Variants in AP2M1 observed in about 807,000 individuals in gnomAD.
The protein encoded by AP2M1 is adaptor related protein complex 2 subunit mu 1.
Under a neutral mutation model 54.5 loss-of-function variants are expected in AP2M1, and 5 were observed. The ratio of observed to expected loss-of-function variants is 0.09; its 90% confidence interval spans 0.05 to 0.19. The LOEUF is 0.19. AP2M1 is among the 10% of genes least tolerant of loss of function. AP2M1 has a pLI of 1.00. For synonymous variants in AP2M1, 186 were observed against 208.2 expected (o/e 0.89, Z 0.92); for missense variants, 178 against 580.2 (o/e 0.31, Z 7.12).
chr3:184,177,676 G>C (rs1715120013), intron 2 of AP2M1: 54 of 1,434,128 alleles, frequency 3.8e-5, no homozygotes, highest in Non-Finnish European at 5.0e-5. Flanking sequence ...AGTAGACCCA[G>C]AGCAGCTCCA....
rs1457055419 is a variant in AP2M1, at chr3:184,181,648, G to A, written c.708-48G>A. 6.2e-7 allele frequency: 1 copy of A among 1,604,646 alleles called. No individual in the cohort carries two copies. The highest frequency in any genetic ancestry group is 2.2e-5 in the East Asian group (1 of 44,702). On this transcript the variant is annotated intron_variant, in intron 7 of 11. Transcript: ENST00000292807. This position sits in a 1 kb window ranked among gnomAD's most constrained non-coding sequence, Gnocchi z 5.7. ...GGTGGAGTGGTCTCCCAGCATGACA[G>A]CTGTCATTCTCCTGTACCAATGAGA...
Position 184,182,985 on chromosome 3 carries a change from C to G in AP2M1, c.1173+117C>G. On this transcript the variant is annotated intron_variant, in intron 11 of 11. Coordinates refer to ENST00000292807, the MANE Select transcript of AP2M1 (RefSeq NM_004068.4). The surrounding 1 kb of genome is among the most constrained non-coding windows in gnomAD (Gnocchi z 5.5). Reference sequence around the variant, plus strand: ...GGAAACTGAGGCCTAGAAAGAAGAACTGGCTTTAATTCATAGATCCATTCT... The same window carrying G: ...GGAAACTGAGGCCTAGAAAGAAGAAGTGGCTTTAATTCATAGATCCATTCT... 1 of 867,354 alleles carries G rather than the reference C, an allele frequency of 1.2e-6. No individual in the cohort carries two copies. The highest frequency in any genetic ancestry group is 1.7e-5 in the African/African-American group (1 of 60,036). 53.7% of individuals were successfully genotyped at this position (867,354 alleles called of 1,614,324 possible).
intron 2 of AP2M1, chr3:184,177,679 C>T: frequency 7.1e-7 from 1 of 1,404,772 alleles, no homozygotes; most frequent in South Asian, 1.2e-5. Context: ...AGACCCAGAG[C>T]AGCTCCATAT....
rs766900695 is a variant in AP2M1, at chr3:184,182,129, C to T, written c.964-22C>T. The T allele has an allele frequency of 1.9e-6, 3 of 1,613,246 alleles. No homozygotes were observed. The highest frequency in any genetic ancestry group is 2.2e-5 in the East Asian group (1 of 44,852). ...TGATGTCACAGCTTGACAGAGCTCC[C>T]TGACAGGTGTGTCACTTCTAGGTGA... On this transcript the variant is annotated intron_variant, in intron 9 of 11. Coordinates refer to ENST00000292807, the MANE Select transcript of AP2M1 (RefSeq NM_004068.4). This position sits in a 1 kb window ranked among gnomAD's most constrained non-coding sequence, Gnocchi z 5.5.
At chr3:184,177,642 G>A (rs1274917541) in intron 2 of AP2M1, 3 of 1,528,758 alleles carry the variant, frequency 2.0e-6, no homozygotes, top group South Asian at 1.2e-5. Flanking sequence ...CTGTGGGAGG[G>A]CAGGGAAGCC....
chr3:184,177,827 T>G lies in AP2M1; in HGVS notation c.74+760T>G, dbSNP rs898902546. On this transcript the variant is annotated intron_variant, in intron 2 of 11. Coordinates refer to ENST00000292807, the MANE Select transcript of AP2M1 (RefSeq NM_004068.4). ...GGCTCCTCTGGTTCCTGCTGCCTGT[T>G]TTTCTTCCTCAGAGAGCTTGAGATA... 3 of 595,392 alleles carry G rather than the reference T, an allele frequency of 5.0e-6. No homozygotes were observed. In the African/African-American group the frequency reaches 5.6e-5, roughly 11 times the overall value. The allele number at this position is 595,392 out of a possible 1,614,324, so 36.9% of individuals were successfully genotyped here. A position where few individuals can be genotyped will look rare whatever the true frequency, so the allele number is the denominator to read the frequency against.
intron 3 of AP2M1, among the ~76,000 whole-genome samples, chr3:184,179,664 T>TTTC (rs1715206278): frequency 6.8e-6 from 1 of 147,044 alleles, no homozygotes; most frequent in African/African-American, 2.5e-5. Flanking sequence ...TTTCTTTTCT[T>TTTC]TTTTTTTTTT....
rs995891157 is a variant in AP2M1, at chr3:184,181,260, G to C, written c.707+34G>C. ...GGCAGGAGAGCTGGTGGGAGAGGGTGTCCCTTGGAGGGCTCAGTGGGGTCT... is the reference window on the plus strand; with the variant it reads ...GGCAGGAGAGCTGGTGGGAGAGGGTCTCCCTTGGAGGGCTCAGTGGGGTCT... On this transcript the variant is annotated intron_variant, in intron 7 of 11. Transcript: ENST00000292807. This position sits in a 1 kb window ranked among gnomAD's most constrained non-coding sequence, Gnocchi z 5.7. The C allele has an allele frequency of 3.1e-6, 5 of 1,612,160 alleles. No individual in the cohort carries two copies. The highest frequency in any genetic ancestry group is 4.2e-6 in the Non-Finnish European group (5 of 1,179,058).
intron 1 of AP2M1, 186 bp downstream of exon 1, chr3:184,175,145 C>G: frequency 2.5e-6 from 1 of 395,078 alleles, no homozygotes; most frequent in East Asian, 3.6e-5. Flanking sequence ...GATTGCAGGG[C>G]TGGCGGGGAG....
Position 184,183,379 on chromosome 3 carries a change from A to G in AP2M1, c.1174-103A>G. On this transcript the variant is annotated intron_variant, in intron 11 of 11. Coordinates refer to ENST00000292807, the MANE Select transcript of AP2M1 (RefSeq NM_004068.4). The surrounding 1 kb of genome is among the most constrained non-coding windows in gnomAD (Gnocchi z 5.7). Reference sequence around the variant, plus strand: ...GCTTCTTTCAGGACCCCAGCCATACAAACACCTGTAGTAGCGATGAAGTAG... The same window carrying G: ...GCTTCTTTCAGGACCCCAGCCATACGAACACCTGTAGTAGCGATGAAGTAG... 1 of 1,533,944 alleles carries G rather than the reference A, an allele frequency of 6.5e-7. No individual in the cohort carries two copies. The highest frequency in any genetic ancestry group is 8.8e-7 in the Non-Finnish European group (1 of 1,136,678).
Position 184,180,344 on chromosome 3 carries a change from C to T in AP2M1, c.423+93C>T, listed in dbSNP as rs975024286. ...GCCTTGTCTGAGCTGACTCATGAGCCCTCCCATGACAGGAAGTGCTGGCCT... is the reference window on the plus strand; with the variant it reads ...GCCTTGTCTGAGCTGACTCATGAGCTCTCCCATGACAGGAAGTGCTGGCCT... On this transcript the variant is annotated intron_variant, in intron 4 of 11. Transcript: ENST00000292807. This position sits in a 1 kb window ranked among gnomAD's most constrained non-coding sequence, Gnocchi z 4.9. 6.9e-7 allele frequency: 1 copy of T among 1,439,286 alleles called. No homozygotes were observed. The highest frequency in any genetic ancestry group is 1.4e-5 in the African/African-American group (1 of 71,024). The allele number at this position is 1,439,286 out of a possible 1,614,324, so 89.2% of individuals were successfully genotyped here.
Position 184,182,990 on chromosome 3 carries a change from T to A in AP2M1, c.1173+122T>A, listed in dbSNP as rs1715324357. On this transcript the variant is annotated intron_variant, in intron 11 of 11. Transcript: ENST00000292807. This position sits in a 1 kb window ranked among gnomAD's most constrained non-coding sequence, Gnocchi z 5.5. ...CTGAGGCCTAGAAAGAAGAACTGGC[T>A]TTAATTCATAGATCCATTCTTCCCC... 2 of 827,930 alleles carry A rather than the reference T, an allele frequency of 2.4e-6. No individual in the cohort carries two copies. Among genetic ancestry groups the A allele is most frequent in the Admixed American group, 2.0e-5 (1 of 50,036 alleles). The allele number at this position is 827,930 out of a possible 1,614,324, so 51.3% of individuals were successfully genotyped here.
At position 184,177,009 on chromosome 3, in the gene AP2M1, T is replaced by G; in HGVS notation, c.16T>G (p.Phe6Val). The G allele has an allele frequency of 2.5e-6, 4 of 1,613,936 alleles. No homozygotes were observed. The highest frequency in any genetic ancestry group is 2.5e-6 in the Non-Finnish European group (3 of 1,179,964). The stretch of plus-strand genomic sequence containing the variant: ...ATCTGCCGCCATGATTGGAGGCTTA[T>G]TCATCTATAATCACAAGGGGGAGGT... MIGGL[F>V]IYNHKGEVLI... The change falls in exon 2 of 12, where the codon TTC becomes GTC. Residue 6 changes from phenylalanine (F) to valine (V), a missense_variant. This residue lies in a region of AP2M1 where 115 missense variants were observed against 331.2 expected (regional missense o/e 0.35). Coordinates refer to ENST00000292807, the MANE Select transcript of AP2M1 (RefSeq NM_004068.4).
chr3:184,183,079 G>C lies in AP2M1; in HGVS notation c.1173+211G>C, dbSNP rs1020695520. Reference sequence around the variant, plus strand: ...GCAAATCTTTTACTTCTCTCGGCTTGTCCTAACACAGTTCTTTCAAAAAAC... The same window carrying C: ...GCAAATCTTTTACTTCTCTCGGCTTCTCCTAACACAGTTCTTTCAAAAAAC... On this transcript the variant is annotated intron_variant, in intron 11 of 11. Transcript: ENST00000292807. The surrounding 1 kb of genome is among the most constrained non-coding windows in gnomAD (Gnocchi z 5.7). The C allele has an allele frequency of 1.3e-5, 8 of 609,782 alleles. No homozygotes were observed. The African/African-American group carries it at 1.5e-4, about 11-fold the overall frequency. 37.8% of individuals were successfully genotyped at this position (609,782 alleles called of 1,614,324 possible). A position where few individuals can be genotyped will look rare whatever the true frequency, so the allele number is the denominator to read the frequency against.
At position 184,180,843 on chromosome 3, in the gene AP2M1, A is replaced by C. The variant is rs759194826; in HGVS notation, c.430-6A>C. The C allele has an allele frequency of 3.1e-6, 5 of 1,614,194 alleles. No individual in the cohort carries two copies. The Admixed American group carries it at 8.3e-5, about 27-fold the overall frequency. ...GCCATTGCTGTTTGTTTCTGCCCTC[A>C]TGTAGACAAAAGAAGAGCAGTCACA... On this transcript the variant is annotated splice_polypyrimidine_tract_variant and splice_region_variant and intron_variant, in intron 5 of 11. Coordinates refer to ENST00000292807, the MANE Select transcript of AP2M1 (RefSeq NM_004068.4). The surrounding 1 kb of genome is among the most constrained non-coding windows in gnomAD (Gnocchi z 4.9).
chr3:184,180,489 G>A lies in AP2M1; in HGVS notation c.424-156G>A, dbSNP rs1715234381. The A allele has an allele frequency of 8.0e-7, 1 of 1,243,650 alleles. No individual in the cohort carries two copies. The highest frequency in any genetic ancestry group is 1.5e-5 in the African/African-American group (1 of 66,358). 77.0% of individuals were successfully genotyped at this position (1,243,650 alleles called of 1,614,324 possible). On this transcript the variant is annotated intron_variant, in intron 4 of 11. Coordinates refer to ENST00000292807, the MANE Select transcript of AP2M1 (RefSeq NM_004068.4). The surrounding 1 kb of genome is among the most constrained non-coding windows in gnomAD (Gnocchi z 4.9). ...CTCAAGCAGTTTCCTTTTGCACTGA[G>A]GGGTGGGGGAGGAGGCCTGGTCTTG...
intron 1 of AP2M1, among the ~76,000 whole-genome samples, chr3:184,175,277 C>T (rs1031133886): frequency 1.3e-5 from 2 of 152,128 alleles, no homozygotes; most frequent in Non-Finnish European, 2.9e-5. Context: ...CCTACCCCTC[C>T]GCGCAAGGAC....
Position 184,181,958 on chromosome 3 carries a change from C to T in AP2M1, c.874C>T (p.Leu292=), listed in dbSNP as rs1577060213. 1 of 1,614,206 alleles carries T rather than the reference C, an allele frequency of 6.2e-7. No homozygotes were observed. The highest frequency in any genetic ancestry group is 8.5e-7 in the Non-Finnish European group (1 of 1,180,032). The change falls in exon 9 of 12, where the codon CTA becomes TTA. Residue 292 remains leucine, a synonymous_variant. Coordinates refer to ENST00000292807, the MANE Select transcript of AP2M1 (RefSeq NM_004068.4). The surrounding 1 kb of genome is among the most constrained non-coding windows in gnomAD (Gnocchi z 5.7). ...CATCCTTCCCTTCCGGGTGATCCCG[C>T]TAGTGCGAGAAGTGGGACGCACCAA... The part of the protein sequence containing the change: ...DIILPFRVIP[L]VREVGRTKLE...
rs764508843 is a variant in AP2M1 at position 184,182,055 on chromosome 3, CAG to C, written c.963+9_963+10del. 43 of 1,612,744 alleles carry C rather than the reference CAG, an allele frequency of 2.7e-5. No individual in the cohort carries two copies. The highest frequency in any genetic ancestry group is 3.4e-5 in the Non-Finnish European group (40 of 1,179,236). Reference sequence around the variant, plus strand: ...CTGGCTCAGAAGATCGAGGTGAGGACAGGGGGCTCAAGGAGGAGGAAGAACTT... The same window carrying C: ...CTGGCTCAGAAGATCGAGGTGAGGACGGGGCTCAAGGAGGAGGAAGAACTT... On this transcript the variant is annotated intron_variant, in intron 9 of 11. Transcript: ENST00000292807. This position sits in a 1 kb window ranked among gnomAD's most constrained non-coding sequence, Gnocchi z 5.5.
Sources: gnomAD v4.1 joint callset for allele counts (sites outside exome capture counted in the v4.1 genomes callset) on GRCh38, gnomAD v4.1.1 for gene constraint, gnomAD v4.1.1 regional missense constraint, Gnocchi (gnomAD v3.1) non-coding constraint, MANE v1.5 for transcripts, NCBI Gene and HGNC (gene_info 2026-07-23, HGNC 2026-07-21) for gene names.